XPO4: variants seen among roughly 807,000 people sequenced by gnomAD.
XPO4 encodes the protein exportin-4.
Under a neutral mutation model 143.0 loss-of-function variants are expected in XPO4, and 39 were observed. That is an observed-to-expected ratio of 0.27 (90% confidence interval 0.21 to 0.36). The LOEUF (loss-of-function observed/expected upper bound fraction) is 0.36. XPO4 is among the 10% of genes least tolerant of loss of function. XPO4 has a pLI of 1.00. For synonymous variants in XPO4, 439 were observed against 474.0 expected, an observed-to-expected ratio of 0.93 and a Z score of 0.96; for missense variants, 907 against 1,348.0, an observed-to-expected ratio of 0.67 and a Z score of 5.12.
In XPO4 at chr13:20,790,545, C is replaced by T. The variant is rs747876386; in HGVS notation, c.2833G>A (p.Ala945Thr). 1.4e-5 allele frequency: 22 copies of T among 1,614,152 alleles called. No homozygotes were observed. In the South Asian group the frequency reaches 2.3e-4, roughly 17 times the overall value. Reference protein sequence around the residue: ...VFRGHEPGQAANRSVSAADVV... With the variant: ...VFRGHEPGQATNRSVSAADVV... The stretch of plus-strand genomic sequence containing the variant: ...TCCGCTGCTGACACAGATCTGTTTG[C>T]TGCTTGACCTGGCTCATGTCCTCTA... The change falls in exon 19 of 23, where the codon GCA (alanine) becomes ACA (threonine). Residue 945 changes from alanine (A) to threonine (T), a missense_variant. Transcript: ENST00000255305.
At chr13:20,807,740 T>C (rs1240882371) in intron 12 of XPO4, 106 bp from the exon 13 acceptor site, 9 of 869,174 alleles carry the variant, frequency 1.0e-5, no homozygotes, top group Non-Finnish European at 1.4e-5. Context: ...TAAATTGATG[T>C]AAATTATAAA....
intron 6 of XPO4, among the ~76,000 whole-genome samples, chr13:20,841,845 C>G (rs147712398): frequency 6.6e-6 from 1 of 151,538 alleles, no homozygotes; most frequent in East Asian, 1.9e-4. Flanking sequence ...GATCTCTGAT[C>G]TGATTTCACA....
intron 1 of XPO4, among the ~76,000 whole-genome samples, chr13:20,898,113 T>C (rs1476875405): frequency 6.6e-6 from 1 of 152,154 alleles, no homozygotes; most frequent in African/African-American, 2.4e-5. Flanking sequence ...AGGACTGATA[T>C]GAGAATGAAG....
intron 4 of XPO4, chr13:20,848,148 G>T: frequency 6.9e-6 from 5 of 723,512 alleles, no homozygotes; most frequent in Non-Finnish European, 6.8e-6. Flanking sequence ...CTGGCAATTT[G>T]ACTGCCACTA....
intron 17 of XPO4, 58 bp downstream of exon 17, chr13:20,796,706 T>C (rs2059362947): frequency 7.6e-7 from 1 of 1,312,572 alleles, no homozygotes; most frequent in East Asian, 2.6e-5. Context: ...AGATCTATTA[T>C]TTTATTACAG....
Position 20,809,823 on chromosome 13 carries a change from G to A in XPO4, c.1318C>T (p.His440Tyr), listed in dbSNP as rs1258267760. The stretch of plus-strand genomic sequence containing the variant: ...CTTGTGCCATCTGGAGCAGCTAGGT[G>A]GCACTGAATATAGGAATTGAAAACT... ...VQVFNSYIQC[H>Y]LAAPDGTRNL... The change falls in exon 10 of 23, where the codon CAC becomes TAC. Residue 440 changes from histidine to tyrosine, a missense_variant. Physicochemically the swap from His to Tyr is moderately conservative, Grantham distance 83. Coordinates refer to ENST00000255305, the MANE Select transcript of XPO4 (RefSeq NM_022459.5). The A allele has an allele frequency of 6.2e-7, 1 of 1,612,448 alleles. No homozygotes were observed. The highest frequency in any genetic ancestry group is 8.5e-7 in the Non-Finnish European group (1 of 1,179,360).
intron 1 of XPO4, among the ~76,000 whole-genome samples, chr13:20,881,708 AAACTGGAC>A (rs1266962937): frequency 6.6e-6 from 1 of 152,210 alleles, no homozygotes; most frequent in Non-Finnish European, 1.5e-5. Flanking sequence ...TATCATCATC[AAACTGGAC>A]ACCTAAGATT....
intron 9 of XPO4, among the ~76,000 whole-genome samples, chr13:20,815,696 C>G (rs2059641151): frequency 6.6e-6 from 1 of 152,126 alleles, no homozygotes; most frequent in Non-Finnish European, 1.5e-5. Context: ...ATGTGATTCA[C>G]AGACAAAAAA....
rs1032019173 is a variant in XPO4, at chr13:20,780,862, A to C, written c.*2860T>G. ...GCCACTCATCCAGCACAAGGACTAT[A>C]AAAGCAAATCAATCCTTTTAACAGA... On this transcript the variant is annotated 3_prime_UTR_variant, in exon 23 of 23. Coordinates refer to ENST00000255305, the MANE Select transcript of XPO4 (RefSeq NM_022459.5). 2 of 152,212 alleles carry C rather than the reference A, an allele frequency of 1.3e-5. No individual in the cohort carries two copies. Among genetic ancestry groups the C allele is most frequent in the Non-Finnish European group, 2.9e-5 (2 of 68,038 alleles). The allele number at this position is 152,212 out of a possible 1,614,324, so 9.4% of individuals were successfully genotyped here.
intron 1 of XPO4, among the ~76,000 whole-genome samples, chr13:20,894,785 A>G (rs527312704): frequency 6.6e-6 from 1 of 152,010 alleles, no homozygotes; most frequent in Admixed American, 6.6e-5. Context: ...TGTAGGTTGC[A>G]GTGAGCCGAG....
At chr13:20,843,166 T>A in intron 5 of XPO4, 118 bp from the exon 6 acceptor site, 1 of 1,025,818 alleles carries the variant, frequency 9.7e-7, no homozygotes, top group Non-Finnish European at 1.4e-6. Context: ...ACCATTTCCT[T>A]AAGAACGTGT....
At chr13:20,799,458 A>G (rs1294585278) in intron 15 of XPO4, 119 bp from the exon 16 acceptor site, 1 of 838,338 alleles carries the variant, frequency 1.2e-6, no homozygotes, top group Non-Finnish European at 1.7e-6. Context: ...CTGTTAAAGC[A>G]AAGTACAGTA....
chr13:20,868,969 T>C (rs1019038236), intron 1 of XPO4, among the ~76,000 whole-genome samples: 1 of 152,156 alleles, frequency 6.6e-6, no homozygotes, highest in African/African-American at 2.4e-5. Context: ...GAAAAACAGA[T>C]ACTTATCTAA....
At chr13:20,864,130 A>T (rs1453956640) in intron 2 of XPO4, among the ~76,000 whole-genome samples, 1 of 151,948 alleles carries the variant, frequency 6.6e-6, no homozygotes, top group African/African-American at 2.4e-5. Flanking sequence ...AATTGATACA[A>T]ATTTAGAAAC....
intron 1 of XPO4, among the ~76,000 whole-genome samples, chr13:20,898,301 C>T (rs1005559736): frequency 6.6e-5 from 10 of 152,164 alleles, no homozygotes; most frequent in African/African-American, 1.9e-4. Context: ...CGGTGGCTCA[C>T]GCCTGTTAAT....
At chr13:20,900,702 T>C (rs2060612634) in intron 1 of XPO4, among the ~76,000 whole-genome samples, 1 of 151,244 alleles carries the variant, frequency 6.6e-6, no homozygotes, top group South Asian at 2.1e-4. Flanking sequence ...AACCTCTGCC[T>C]CCTGGTTCAA....
intron 3 of XPO4, chr13:20,859,775 C>CA (rs1209435958): frequency 2.3e-5 from 18 of 777,106 alleles, no homozygotes; most frequent in Non-Finnish European, 2.7e-5. Flanking sequence ...GGCTCTGTCT[C>CA]AAAAAAAATT....
chr13:20,851,727 A>AAG (rs2060091358), intron 4 of XPO4: 702 of 857,104 alleles, frequency 8.2e-4, no homozygotes, highest in Middle Eastern at 2.4e-3. Context: ...AAAAAAAAAA[A>AAG]AAAGAAAGAA....
At chr13:20,861,297 C>CTTT (rs68037393) in intron 3 of XPO4, among the ~76,000 whole-genome samples, 30,695 of 134,802 alleles carry the variant, frequency 0.23, 5,029 homozygotes, top group East Asian at 0.78. Context: ...TAGTTTTCCT[C>CTTT]TTTTTTTTTT....
Sources: allele counts gnomAD v4.1 joint callset (sites outside exome capture counted in the v4.1 genomes callset), GRCh38; gene constraint gnomAD v4.1.1; transcripts MANE v1.5; gene names NCBI Gene and HGNC (gene_info 2026-07-23, HGNC 2026-07-21).